Variants in GNB4 observed in about 807,000 individuals in gnomAD.
The protein encoded by GNB4 is guanine nucleotide-binding protein subunit beta-4.
Under a neutral mutation model 45.2 loss-of-function variants are expected in GNB4, and 28 were observed. The ratio of observed to expected loss-of-function variants is 0.62; its 90% CI spans 0.46 to 0.85. The LOEUF is 0.85. GNB4 is among the 40% of genes least tolerant of loss of function. The pLI is 0.00. For missense variants in GNB4, 321 were observed against 425.4 expected (o/e 0.75, Z 2.16); for synonymous variants, 132 against 143.7 (o/e 0.92, Z 0.58).
Position 179,414,955 on chromosome 3 carries a change from G to C in GNB4, c.360C>G (p.Ile120Met). 2 of 1,612,610 alleles carry C rather than the reference G, an allele frequency of 1.2e-6. No homozygotes were observed. The highest frequency in any genetic ancestry group is 2.2e-5 in the South Asian group (2 of 90,870). ...TGGTCTTTAAGTTATATATAGAGCA[G>C]ATGTTGTCCAAGCCTCCACAGGCAA... Reference protein sequence around the residue: ...NYVACGGLDNICSIYNLKTRE... With the variant: ...NYVACGGLDNMCSIYNLKTRE... The change falls in exon 6 of 10, where the codon ATC (isoleucine) becomes ATG (methionine). Residue 120 changes from isoleucine to methionine, a missense_variant. By Grantham distance (10) the Ile-to-Met change is conservative. Coordinates refer to ENST00000232564, the MANE Select transcript of GNB4 (RefSeq NM_021629.4).
chr3:179,472,126 T>C, the GNB4 span, among the ~76,000 whole-genome samples: 29 of 152,110 alleles, frequency 1.9e-4, no homozygotes, highest in South Asian at 4.6e-3. Flanking sequence ...AAAATGAAAA[T>C]GAAGTATGTG....
At chr3:179,508,357 A>G in the GNB4 span, among the ~76,000 whole-genome samples, 1 of 152,196 alleles carries the variant, frequency 6.6e-6, no homozygotes, top group African/African-American at 2.4e-5. Flanking sequence ...CATGGATGAC[A>G]CATGGGCACA....
the GNB4 span, among the ~76,000 whole-genome samples, chr3:179,483,324 G>A: frequency 6.6e-6 from 1 of 151,570 alleles, no homozygotes; most frequent in Non-Finnish European, 1.5e-5. Context: ...AAATCATAGT[G>A]AACTTATAAT....
intron 2 of GNB4, among the ~76,000 whole-genome samples, chr3:179,423,096 G>T: frequency 6.6e-6 from 1 of 152,030 alleles, no homozygotes; most frequent in Non-Finnish European, 1.5e-5. Flanking sequence ...CAGCCAGAAA[G>T]ATTTTTAAAT....
chr3:179,432,178 AGGGGCT>A (rs1715327869), intron 1 of GNB4, among the ~76,000 whole-genome samples: 1 of 152,210 alleles, frequency 6.6e-6, no homozygotes, highest in Non-Finnish European at 1.5e-5. Context: ...TTATGAGGCA[AGGGGCT>A]GAGAAATGTT....
upstream of GNB4, among the ~76,000 whole-genome samples, chr3:179,452,702 T>G (rs1044543108): frequency 6.6e-6 from 1 of 152,144 alleles, no homozygotes; most frequent in Non-Finnish European, 1.5e-5. Flanking sequence ...ATTTTCTTTA[T>G]CCACAGATAA....
intron 8 of GNB4, among the ~76,000 whole-genome samples, chr3:179,409,876 T>G (rs939737523): frequency 6.7e-6 from 1 of 150,264 alleles, no homozygotes; most frequent in Non-Finnish European, 1.5e-5. Flanking sequence ...ATCCGAGTGA[T>G]CAGTTTGGCT....
chr3:179,435,368 T>C (rs535519141), intron 1 of GNB4, among the ~76,000 whole-genome samples: 1 of 150,762 alleles, frequency 6.6e-6, no homozygotes, highest in African/African-American at 2.4e-5. Flanking sequence ...GATTTATGTG[T>C]CCCAGGGTTC....
chr3:179,463,596 T>G, the GNB4 span, among the ~76,000 whole-genome samples: 6 of 152,340 alleles, frequency 3.9e-5, no homozygotes, highest in South Asian at 1.2e-3. Context: ...CCAAGAGCAC[T>G]AAGATTTGTA....
intron 1 of GNB4, among the ~76,000 whole-genome samples, chr3:179,449,451 G>A (rs1233101730): frequency 2.6e-5 from 4 of 152,182 alleles, no homozygotes; most frequent in African/African-American, 9.7e-5. Flanking sequence ...TTACACACAT[G>A]CTAATGAGTA....
chr3:179,493,678 A>T, the GNB4 span, among the ~76,000 whole-genome samples: 1 of 152,196 alleles, frequency 6.6e-6, no homozygotes, highest in Non-Finnish European at 1.5e-5. Flanking sequence ...GGCAGCTCCC[A>T]GCCTTAACAC....
chr3:179,411,186 A>T (rs1714640846), intron 8 of GNB4, among the ~76,000 whole-genome samples: 1 of 152,094 alleles, frequency 6.6e-6, no homozygotes, highest in Non-Finnish European at 1.5e-5. Flanking sequence ...GCCAAATGGA[A>T]AATTTCAGCA....
intron 8 of GNB4, among the ~76,000 whole-genome samples, chr3:179,408,246 A>G (rs1373546616): frequency 6.6e-6 from 1 of 152,226 alleles, no homozygotes; most frequent in Non-Finnish European, 1.5e-5. Flanking sequence ...CACAGAAGAT[A>G]AAATTAACAG....
the GNB4 span, among the ~76,000 whole-genome samples, chr3:179,527,093 G>T: frequency 1.6e-4 from 24 of 152,308 alleles, no homozygotes; most frequent in African/African-American, 5.5e-4. Flanking sequence ...CAGCTGGAGA[G>T]AGTGTTTATA....
intron 1 of GNB4, among the ~76,000 whole-genome samples, chr3:179,434,720 CATT>C (rs1362565564): frequency 2.0e-5 from 3 of 148,780 alleles, no homozygotes; most frequent in African/African-American, 7.4e-5. Context: ...AACTCTGTCT[CATT>C]AAAAAAAAAA....
chr3:179,454,814 G>A (rs1203067070), upstream of GNB4, among the ~76,000 whole-genome samples: 5 of 151,874 alleles, frequency 3.3e-5, no homozygotes, highest in Admixed American at 2.0e-4. Flanking sequence ...CACAACTACC[G>A]TAACAGATTT....
intron 2 of GNB4, among the ~76,000 whole-genome samples, chr3:179,422,571 G>T (rs1434833391): frequency 1.3e-5 from 2 of 151,936 alleles, no homozygotes; most frequent in Admixed American, 1.3e-4. Flanking sequence ...AAAAAATCTG[G>T]TAAGATATTT....
rs1714610476 is a variant in GNB4 at position 179,410,175 on chromosome 3, A to C, written c.699+3237T>G. The C allele has an allele frequency of 1.3e-5, 2 of 152,244 alleles. 1 individual carries two copies. The highest frequency in any genetic ancestry group is 2.9e-5 in the Non-Finnish European group (2 of 68,066). 9.4% of individuals were successfully genotyped at this position (152,244 alleles called of 1,614,324 possible). Reference sequence around the variant, plus strand: ...AGTCTATTAAACCTCTTCTCTTTATAAATTACCCAGTATCAGGTATTTCTT... The same window carrying C: ...AGTCTATTAAACCTCTTCTCTTTATCAATTACCCAGTATCAGGTATTTCTT... On this transcript the variant is annotated intron_variant, in intron 8 of 9. Coordinates refer to ENST00000232564, the MANE Select transcript of GNB4 (RefSeq NM_021629.4).
chr3:179,435,748 C>T (rs918010443), intron 1 of GNB4, among the ~76,000 whole-genome samples: 1 of 152,176 alleles, frequency 6.6e-6, no homozygotes, highest in African/African-American at 2.4e-5. Context: ...ATAGTGAAAG[C>T]ATTGTTGAGC....
Sources: allele counts gnomAD v4.1 joint callset (sites outside exome capture counted in the v4.1 genomes callset), GRCh38; gene constraint gnomAD v4.1.1; transcripts MANE v1.5; gene names NCBI Gene and HGNC (gene_info 2026-07-23, HGNC 2026-07-21).